WASHC4: variants seen among roughly 807,000 people sequenced by gnomAD.
The protein encoded by WASHC4 is WASH complex subunit 7.
In WASHC4, 86 loss-of-function variants were observed where a neutral mutation model predicts 166.6. The observed-to-expected ratio is 0.52, with a 90% CI of 0.43 to 0.62. The LOEUF (loss-of-function observed/expected upper bound fraction) is 0.62, where lower values mean the gene tolerates loss of function less well. Ranked by LOEUF, WASHC4 falls within the 20% of genes least tolerant of loss-of-function variation. The pLI is 0.00. For missense variants in WASHC4, 1,262 were observed against 1,382.4 expected (o/e 0.91, Z 1.38); for synonymous variants, 446 against 451.6 (o/e 0.99, Z 0.16).
rs1884403522 is a variant in WASHC4, at chr12:105,160,116, C to A, written c.3028C>A (p.Leu1010Ile). ...PEFRRPKNIH[L>I]RNFYIIVPPL... ...ATTTCGAAGGCCAAAGAATATACATCTCCGAAATTTCTATATAATTGTTCC... is the reference window on the plus strand; with the variant it reads ...ATTTCGAAGGCCAAAGAATATACATATCCGAAATTTCTATATAATTGTTCC... Residue 1010 changes from leucine (L) to isoleucine (I), a missense_variant, in exon 29 of 33, where the codon CTC (leucine) becomes ATC (isoleucine). Leu to Ile is a conservative substitution (Grantham distance 5, BLOSUM62 2). Coordinates refer to ENST00000332180, the MANE Select transcript of WASHC4 (RefSeq NM_015275.3). 6.2e-7 allele frequency: 1 copy of A among 1,613,614 alleles called. No individual in the cohort carries two copies. Among genetic ancestry groups the A allele is most frequent in the Admixed American group, 1.7e-5 (1 of 60,004 alleles).
intron 26 of WASHC4, among the ~76,000 whole-genome samples, chr12:105,156,065 C>T (rs1038533786): frequency 2.6e-5 from 4 of 152,174 alleles, no homozygotes; most frequent in East Asian, 3.9e-4. Context: ...ATTCTGGCTA[C>T]GTTTTCAAGG....
rs1880700070 is a variant in WASHC4, at chr12:105,121,108, A to G, written c.569A>G (p.Tyr190Cys). 6.2e-7 allele frequency: 1 copy of G among 1,610,436 alleles called. No individual in the cohort carries two copies. Among genetic ancestry groups the G allele is most frequent in the Non-Finnish European group, 8.5e-7 (1 of 1,177,002 alleles). The change falls in exon 9 of 33, where the codon TAT (tyrosine) becomes TGT (cysteine). Residue 190 changes from tyrosine to cysteine, a missense_variant. Transcript: ENST00000332180. The part of the protein sequence containing the change: ...ETTGVHFQTM[Y>C]EHLGELLTVL... ...TTAAAGGTTTTTTGACAGACTATGT[A>G]TGAGCACTTGGGAGAACTGCTAACA...
intron 26 of WASHC4, chr12:105,155,137 TGAA>T (rs1322258044): frequency 3.3e-5 from 5 of 152,154 alleles, no homozygotes; most frequent in African/African-American, 1.2e-4. Context: ...GATGGAGCAG[TGAA>T]GAAGACAAAG....
rs369977578 is a variant in WASHC4 at position 105,143,191 on chromosome 12, A to G, written c.1958A>G (p.Tyr653Cys). The change falls in exon 20 of 33, where the codon TAT (tyrosine) becomes TGT (cysteine). Residue 653 changes from tyrosine (Y) to cysteine (C), a missense_variant. Physicochemically the swap from Tyr to Cys is radical, Grantham distance 194. Coordinates refer to ENST00000332180, the MANE Select transcript of WASHC4 (RefSeq NM_015275.3). The stretch of plus-strand genomic sequence containing the variant: ...ATGCATGCAAGGCATTTAGAGTCCT[A>G]TGAGATACTTCTGGATTGCTATGAC... ...AMMHARHLES[Y>C]EILLDCYDKE... The G allele has an allele frequency of 1.1e-5, 18 of 1,610,856 alleles. No individual in the cohort carries two copies. The highest frequency in any genetic ancestry group is 6.7e-5 in the African/African-American group (5 of 74,836).
chr12:105,109,040 G>A (rs1423837836), intron 1 of WASHC4, among the ~76,000 whole-genome samples: 1 of 152,182 alleles, frequency 6.6e-6, no homozygotes, highest in Non-Finnish European at 1.5e-5. Context: ...GGAGGCTGAG[G>A]CAGGAGAATC....
chr12:105,144,962 A>T, intron 22 of WASHC4, 90 bp downstream of exon 22: 1 of 1,246,708 alleles, frequency 8.0e-7, no homozygotes, highest in Non-Finnish European at 1.1e-6. Flanking sequence ...TGCTTTAGTT[A>T]GTATGTGCTT....
In WASHC4 at chr12:105,120,537, G is replaced by T. The variant is rs770603320; in HGVS notation, c.519-18G>T. ...CAAAAAGGAAGTTTTTTTTAACTTG[G>T]TTGTTATTTTATTATAGGATTGCAC... On this transcript the variant is annotated intron_variant, in intron 7 of 32. Coordinates refer to ENST00000332180, the MANE Select transcript of WASHC4 (RefSeq NM_015275.3). 28 of 1,534,680 alleles carry T rather than the reference G, an allele frequency of 1.8e-5. No individual in the cohort carries two copies. The highest frequency in any genetic ancestry group is 2.4e-5 in the Non-Finnish European group (27 of 1,108,778).
At chr12:105,139,972 C>T (rs1248502320) in intron 15 of WASHC4, among the ~76,000 whole-genome samples, 9 of 151,836 alleles carry the variant, frequency 5.9e-5, no homozygotes, top group African/African-American at 2.2e-4. Flanking sequence ...CAACCTCCGC[C>T]TCCCAGGTTC....
rs544366000 is a variant in WASHC4, at chr12:105,132,566, T to G, written c.1200-1204T>G. On this transcript the variant is annotated intron_variant, in intron 13 of 32. Coordinates refer to ENST00000332180, the MANE Select transcript of WASHC4 (RefSeq NM_015275.3). ...ATGAGACTGAGTTGGGAAACATTGA[T>G]GGAGAGATTTAGTATTTGTAATCAT... Among the ~76,000 whole-genome samples, 34 of 152,326 alleles carry G rather than the reference T, an allele frequency of 2.2e-4. No homozygotes were observed. In the South Asian group the frequency reaches 6.8e-3, roughly 31 times the overall value.
intron 32 of WASHC4, 66 bp from the exon 33 acceptor site, chr12:105,166,798 T>C: frequency 8.7e-7 from 1 of 1,146,986 alleles, no homozygotes; most frequent in East Asian, 2.5e-5. Flanking sequence ...AAATTTCTTT[T>C]ACTTCTTAAT....
At chr12:105,132,976 G>A (rs1047469496) in intron 13 of WASHC4, among the ~76,000 whole-genome samples, 7 of 152,018 alleles carry the variant, frequency 4.6e-5, no homozygotes, top group African/African-American at 1.7e-4. Flanking sequence ...GCTTTTAGGT[G>A]GTTTTCCTGC....
chr12:105,166,299 T>C (rs1884799937), intron 32 of WASHC4, among the ~76,000 whole-genome samples: 1 of 152,222 alleles, frequency 6.6e-6, no homozygotes. Context: ...CATGACATTT[T>C]GCACAAAAAG....
chr12:105,157,900 GTCCCA>G (rs1566028863), intron 28 of WASHC4, among the ~76,000 whole-genome samples: 1 of 87,294 alleles, frequency 1.1e-5, no homozygotes, highest in African/African-American at 4.3e-5. Flanking sequence ...TTGTGCATTT[GTCCCA>G]TAACACGAGA....
chr12:105,164,578 T>C, intron 31 of WASHC4, 63 bp from the exon 32 acceptor site: 1 of 1,127,114 alleles, frequency 8.9e-7, no homozygotes, highest in Non-Finnish European at 1.3e-6. Flanking sequence ...AATGCATATA[T>C]TTTTGGTATT....
intron 14 of WASHC4, among the ~76,000 whole-genome samples, chr12:105,134,342 A>T (rs1882121768): frequency 6.6e-6 from 1 of 152,090 alleles, no homozygotes; most frequent in Non-Finnish European, 1.5e-5. Context: ...ACTTGAAAAG[A>T]ATGTATAATT....
At chr12:105,135,106 C>T in intron 14 of WASHC4, among the ~76,000 whole-genome samples, 1 of 152,026 alleles carries the variant, frequency 6.6e-6, no homozygotes, top group Non-Finnish European at 1.5e-5. Context: ...TTATCTCCCT[C>T]TCATCTTCTG....
At position 105,120,608 on chromosome 12, in the gene WASHC4, T is replaced by C. The variant is rs1348234147; in HGVS notation, c.561+11T>C. On this transcript the variant is annotated intron_variant, in intron 8 of 32. Transcript: ENST00000332180. ...GGAGTTCATTTTCAGGTAAAAGACA[T>C]TTAGCTTGACCTGTAAAACTGTAAT... is the stretch of plus-strand genomic sequence containing the variant. 1 of 1,580,018 alleles carries C rather than the reference T, an allele frequency of 6.3e-7. No homozygotes were observed. Among genetic ancestry groups the C allele is most frequent in the Non-Finnish European group, 8.7e-7 (1 of 1,149,348 alleles).
chr12:105,127,432 T>G (rs1881389943), intron 13 of WASHC4, 143 bp downstream of exon 13: 1 of 694,932 alleles, frequency 1.4e-6, no homozygotes, highest in Non-Finnish European at 2.4e-6. Context: ...TCCAGGAGAT[T>G]TGTTTTCTAG....
rs372395687 is a variant in WASHC4, at chr12:105,111,216, C to T, written c.153C>T (p.Asp51=). 6.2e-7 allele frequency: 1 copy of T among 1,610,554 alleles called. No individual in the cohort carries two copies. The highest frequency in any genetic ancestry group is 8.5e-7 in the Non-Finnish European group (1 of 1,177,382). Residue 51 remains aspartate (D), a synonymous_variant, in exon 2 of 33, where the codon GAC becomes GAT. Transcript: ENST00000332180. ...GAAGAATTGAGGACGCTCTGGATGA[C>T]TCAATTGGAGATGTTTGGGATTTCA... ...QLRRIEDALD[D]SIGDVWDFNL... is the part of the protein sequence containing the mutation.
Sources: allele counts gnomAD v4.1 joint callset (sites outside exome capture counted in the v4.1 genomes callset), GRCh38; gene constraint gnomAD v4.1.1; transcripts MANE v1.5; gene names NCBI Gene and HGNC (gene_info 2026-07-23, HGNC 2026-07-21).